The following PCGF5 variants were observed in gnomAD, a reference collection of about 807,000 sequenced individuals.
PCGF5 encodes the protein polycomb group ring finger 5.
In PCGF5, 9 loss-of-function variants were observed where a neutral mutation model predicts 44.3. That is an observed-to-expected ratio of 0.20 (90% CI 0.12 to 0.35). PCGF5 has a LOEUF of 0.35. PCGF5 is among the 10% of genes least tolerant of loss of function. PCGF5 has a pLI of 1.00. For missense variants in PCGF5, 146 were observed against 305.3 expected, an observed-to-expected ratio of 0.48 and a Z score of 3.89; for synonymous variants, 95 against 102.5, an observed-to-expected ratio of 0.93 and a Z score of 0.44.
At chr10:91,216,528 G>A (rs1190211527), upstream of PCGF5, among the ~76,000 whole-genome samples, 1 of 152,194 alleles carries the variant, frequency 6.6e-6, no homozygotes, top group Non-Finnish European at 1.5e-5. Flanking sequence ...CCAGAGAGCA[G>A]CATGACCCTC....
At chr10:91,171,303 A>G (rs1843600299) in intron 1 of PCGF5, among the ~76,000 whole-genome samples, 1 of 152,326 alleles carries the variant, frequency 6.6e-6, no homozygotes, top group African/African-American at 2.4e-5. Flanking sequence ...AGGTGGCTGC[A>G]TTTGAAATGG....
At chr10:91,232,160 ACTGTG>A (rs1441152225) in intron 2 of PCGF5, among the ~76,000 whole-genome samples, 1 of 152,146 alleles carries the variant, frequency 6.6e-6, no homozygotes, top group Non-Finnish European at 1.5e-5. Flanking sequence ...GGTGGGATCA[ACTGTG>A]TTAAGTGGGT....
intron 6 of PCGF5, among the ~76,000 whole-genome samples, chr10:91,256,181 A>G (rs779063491): frequency 2.6e-5 from 4 of 152,092 alleles, no homozygotes; most frequent in African/African-American, 4.8e-5. Flanking sequence ...CTATTTAAAT[A>G]TGCACAAAGA....
chr10:91,264,612 A>T, intron 8 of PCGF5, 92 bp downstream of exon 8: 1 of 987,746 alleles, frequency 1.0e-6, no homozygotes, highest in Non-Finnish European at 1.5e-6. Flanking sequence ...AAAAAGACAA[A>T]CTAGCTTGGG....
intron 1 of PCGF5, among the ~76,000 whole-genome samples, chr10:91,164,241 CTT>C (rs113182954): frequency 3.0e-4 from 45 of 152,122 alleles, no homozygotes; most frequent in African/African-American, 1.1e-3. Context: ...TCCACAATAA[CTT>C]GTGGGGGGGT....
chr10:91,214,997 GAATC>G (rs1844516896), intron 1 of PCGF5, among the ~76,000 whole-genome samples: 1 of 152,182 alleles, frequency 6.6e-6, no homozygotes, highest in African/African-American at 2.4e-5. Context: ...AAGGATTAAA[GAATC>G]AATGGTTACG....
chr10:91,251,518 T>C, intron 6 of PCGF5, 78 bp downstream of exon 6: 1 of 1,338,524 alleles, frequency 7.5e-7, no homozygotes, highest in Non-Finnish European at 1.0e-6. Context: ...AATTTTCTAA[T>C]GCTTCAAAAT....
At chr10:91,241,500 C>T (rs1845326450) in intron 3 of PCGF5, among the ~76,000 whole-genome samples, 1 of 152,090 alleles carries the variant, frequency 6.6e-6, no homozygotes, top group Non-Finnish European at 1.5e-5. Flanking sequence ...TGCCACTTCC[C>T]AGCTACAGGC....
At chr10:91,224,690 G>A (rs766167399) in intron 2 of PCGF5, among the ~76,000 whole-genome samples, 15 of 152,070 alleles carry the variant, frequency 9.9e-5, no homozygotes, top group Admixed American at 3.3e-4. Flanking sequence ...AAGTACAGAG[G>A]CCTTGAGATG....
intron 1 of PCGF5, among the ~76,000 whole-genome samples, chr10:91,209,771 AAAAAG>A (rs1255043658): frequency 0.67 from 4 of 6 alleles, 2 homozygotes; most frequent in Non-Finnish European, 0.67. Context: ...TCGAAGAAAA[AAAAAG>A]AAAAAAAAAA....
intron 6 of PCGF5, among the ~76,000 whole-genome samples, chr10:91,254,034 C>G (rs1357708287): frequency 6.6e-6 from 1 of 151,980 alleles, no homozygotes; most frequent in Non-Finnish European, 1.5e-5. Flanking sequence ...TTGGCCTGTA[C>G]AATTAAGTCA....
chr10:91,156,847 A>G, the PCGF5 span, among the ~76,000 whole-genome samples: 12 of 152,346 alleles, frequency 7.9e-5, no homozygotes, highest in African/African-American at 2.9e-4. Context: ...ATCTTGAAGG[A>G]AAGCAGAAAA....
At chr10:91,168,657 G>A (rs752791328) in intron 1 of PCGF5, among the ~76,000 whole-genome samples, 1 of 152,072 alleles carries the variant, frequency 6.6e-6, no homozygotes, top group South Asian at 2.1e-4. Context: ...GGCAGGGCAT[G>A]GTGGCTCACA....
chr10:91,236,886 T>G (rs1047380730), intron 2 of PCGF5, among the ~76,000 whole-genome samples: 4 of 152,190 alleles, frequency 2.6e-5, no homozygotes, highest in Admixed American at 2.6e-4. Flanking sequence ...AATAAGCTAC[T>G]GAAAAGGGCT....
rs1846442161 is a variant in PCGF5 at position 91,281,114 on chromosome 10, A to C, written c.*2798A>C. ...AAGTAATCACATCAGTTAATAGAGA[A>C]ATCAAAATATGTATGGCCTTTTCTC... is the stretch of plus-strand genomic sequence containing the variant. On this transcript the variant is annotated 3_prime_UTR_variant, in exon 10 of 10. Coordinates refer to ENST00000336126, the MANE Select transcript of PCGF5 (RefSeq NM_032373.5). 6.6e-6 allele frequency: 1 copy of C among 152,514 alleles called. No homozygotes were observed. The highest frequency in any genetic ancestry group is 2.1e-4 in the South Asian group (1 of 4,832). The allele number at this position is 152,514 out of a possible 1,614,324, so 9.4% of individuals were successfully genotyped here. A position where few individuals can be genotyped will look rare whatever the true frequency, so the allele number is the denominator to read the frequency against.
At chr10:91,218,235 G>A (rs1422140124), upstream of PCGF5, among the ~76,000 whole-genome samples, 1 of 152,178 alleles carries the variant, frequency 6.6e-6, no homozygotes, top group Non-Finnish European at 1.5e-5. Flanking sequence ...CACGTCTCAG[G>A]ATCTTAGTTT....
intron 1 of PCGF5, among the ~76,000 whole-genome samples, chr10:91,187,560 T>C (rs1843950632): frequency 1.3e-5 from 2 of 152,144 alleles, no homozygotes; most frequent in African/African-American, 4.8e-5. Context: ...TCGCTTGATA[T>C]AGGAAAGAGG....
At chr10:91,246,944 CAGAT>C (rs200707971) in intron 3 of PCGF5, among the ~76,000 whole-genome samples, 2,503 of 147,648 alleles carry the variant, frequency 0.017, 33 homozygotes, top group Middle Eastern at 0.034. Context: ...TATAGTCAGG[CAGAT>C]AGATAGATGG....
chr10:91,220,967 G>C (rs1844658219), intron 1 of PCGF5, 131 bp downstream of exon 1: 1 of 152,284 alleles, frequency 6.6e-6, no homozygotes, highest in South Asian at 2.1e-4. Context: ...GGCCCTTCGG[G>C]TGCAGGGGGC....
Sources: allele counts gnomAD v4.1 joint callset (sites outside exome capture counted in the v4.1 genomes callset), GRCh38; gene constraint gnomAD v4.1.1; transcripts MANE v1.5; gene names NCBI Gene and HGNC (gene_info 2026-07-23, HGNC 2026-07-21).